The following CERS1 variants were observed in gnomAD, a reference collection of about 807,000 sequenced individuals.
The protein encoded by CERS1 is ceramide synthase 1.
Under a neutral mutation model 35.7 loss-of-function variants are expected in CERS1, and 16 were observed. The observed-to-expected ratio is 0.45, with a 90% CI of 0.30 to 0.68. CERS1 has a LOEUF of 0.68. CERS1 is among the 30% of genes least tolerant of loss of function. CERS1 has a pLI of 0.08. For synonymous variants in CERS1, 243 were observed against 201.6 expected, an observed-to-expected ratio of 1.21 and a Z score of -1.74; for missense variants, 454 against 453.9, an observed-to-expected ratio of 1.00 and a Z score of 0.00.
chr19:18,878,909 T>C lies in CERS1; in HGVS notation c.1010+21A>G, dbSNP rs111396349. ...TGACACTAAAGGAGGGAACGCGGGG[T>C]GCGGGCCCCTCCACACTCACTCGGC... On this transcript the variant is annotated intron_variant, in intron 6 of 7. Coordinates refer to ENST00000623882, the MANE Select transcript of CERS1 (RefSeq NM_021267.5). This position sits in a 1 kb window ranked among gnomAD's most constrained non-coding sequence, Gnocchi z 4.6. The C allele has an allele frequency of 2.1e-3, 3,348 of 1,611,438 alleles. 43 individuals are homozygous for C. In the African/African-American group the frequency reaches 0.035, roughly 17 times the overall value.
Position 18,878,519 on chromosome 19 carries a change from G to T in CERS1, c.1010+411C>A. The stretch of plus-strand genomic sequence containing the variant: ...AGCCTGGGTTCTCTCTGTGGCCCTT[G>T]GCGTTCCTTCCTCCCCAGCCCCACT... On this transcript the variant is annotated intron_variant, in intron 6 of 7. Transcript: ENST00000623882. The surrounding 1 kb of genome is among the most constrained non-coding windows in gnomAD (Gnocchi z 4.6). The T allele has an allele frequency of 2.0e-6, 2 of 1,017,176 alleles. No homozygotes were observed. The highest frequency in any genetic ancestry group is 2.4e-6 in the Non-Finnish European group (2 of 848,006). 63.0% of individuals were successfully genotyped at this position (1,017,176 alleles called of 1,614,324 possible).
chr19:18,887,412 T>C (rs191925935), intron 2 of CERS1, among the ~76,000 whole-genome samples: 378 of 152,166 alleles, frequency 2.5e-3, no homozygotes, highest in Non-Finnish European at 3.8e-3. Context: ...ATGATAATGT[T>C]CCAGACCTAG....
intron 2 of CERS1, among the ~76,000 whole-genome samples, chr19:18,892,873 C>T (rs2056526841): frequency 6.6e-6 from 1 of 152,112 alleles, no homozygotes; most frequent in African/African-American, 2.4e-5. Context: ...TCTGAGACAC[C>T]CATAGGAGCT....
At chr19:18,881,594 C>T (rs1195480569) in intron 3 of CERS1, 4 of 152,162 alleles carry the variant, frequency 2.6e-5, no homozygotes, top group Non-Finnish European at 2.9e-5. Context: ...ATGAGCTGCC[C>T]GAGGGTCCTG....
Position 18,886,094 on chromosome 19 carries a change from GCCA to G in CERS1, c.410-1830_410-1828del, listed in dbSNP as rs1325395279. On this transcript the variant is annotated intron_variant, in intron 2 of 7. Coordinates refer to ENST00000623882, the MANE Select transcript of CERS1 (RefSeq NM_021267.5). Reference sequence around the variant, plus strand: ...CTCCTCAGCCACATCCCCAGAGGCTGCCAGACACCAAATTCAAGGGCTATGCTC... The same window carrying G: ...CTCCTCAGCCACATCCCCAGAGGCTGGACACCAAATTCAAGGGCTATGCTC... 4.9e-3 allele frequency among the ~76,000 whole-genome samples: 744 copies of G among 151,582 alleles called. 15 individuals carry two copies. Among genetic ancestry groups the G allele is most frequent in the African/African-American group, 0.018 (723 of 40,910 alleles).
intron 2 of CERS1, among the ~76,000 whole-genome samples, chr19:18,892,645 A>G (rs1180333685): frequency 1.3e-5 from 2 of 151,910 alleles, no homozygotes; most frequent in African/African-American, 4.8e-5. Flanking sequence ...TCCAGAACAG[A>G]ACTCAAGCTG....
chr19:18,881,313 G>A (rs1167533695), intron 3 of CERS1, among the ~76,000 whole-genome samples: 6 of 151,026 alleles, frequency 4.0e-5, no homozygotes, highest in African/African-American at 9.8e-5. Context: ...TCCACCTCCC[G>A]GGTTCAAGCA....
chr19:18,872,240 A>G (rs1262415613), intron 6 of CERS1, among the ~76,000 whole-genome samples: 2 of 152,238 alleles, frequency 1.3e-5, no homozygotes, highest in African/African-American at 4.8e-5. Context: ...CAAAAGCTTC[A>G]AAGTGTTCTC....
At position 18,895,702 on chromosome 19, in the gene CERS1, G is replaced by A; in HGVS notation, c.249+122C>T. Reference sequence around the variant, plus strand: ...AGCCCGAGGCCCCCACCCACGTTCCGGCGACCCCTTCATCCGCAGCAGCCA... The same window carrying A: ...AGCCCGAGGCCCCCACCCACGTTCCAGCGACCCCTTCATCCGCAGCAGCCA... On this transcript the variant is annotated intron_variant, in intron 1 of 7. Transcript: ENST00000623882. This position sits in a 1 kb window ranked among gnomAD's most constrained non-coding sequence, Gnocchi z 6.4. The A allele has an allele frequency of 6.8e-6, 3 of 439,248 alleles. No individual in the cohort carries two copies. The highest frequency in any genetic ancestry group is 6.7e-6 in the Non-Finnish European group (2 of 299,722). 27.2% of individuals were successfully genotyped at this position (439,248 alleles called of 1,614,324 possible). A position where few individuals can be genotyped will look rare whatever the true frequency, so the allele number is the denominator to read the frequency against.
Position 18,878,746 on chromosome 19 carries a change from T to C in CERS1, c.1010+184A>G, listed in dbSNP as rs185468299. On this transcript the variant is annotated intron_variant, in intron 6 of 7. Transcript: ENST00000623882. The surrounding 1 kb of genome is among the most constrained non-coding windows in gnomAD (Gnocchi z 4.6). ...CTCTCCCTCCCCTTCCTCACTGTCCTGTCCTTCAGGGTACTGGCCACATCG... is the reference window on the plus strand; with the variant it reads ...CTCTCCCTCCCCTTCCTCACTGTCCCGTCCTTCAGGGTACTGGCCACATCG... 1.8e-5 allele frequency: 26 copies of C among 1,409,250 alleles called. No individual in the cohort carries two copies. The East Asian group carries it at 6.2e-4, about 33-fold the overall frequency. 87.3% of individuals were successfully genotyped at this position (1,409,250 alleles called of 1,614,324 possible).
At position 18,868,702 on chromosome 19, in the gene CERS1, C is replaced by G. The variant is rs762069368; in HGVS notation, c.*1283G>C. 3.9e-6 allele frequency: 6 copies of G among 1,555,104 alleles called. No homozygotes were observed. The highest frequency in any genetic ancestry group is 1.2e-5 in the South Asian group (1 of 84,708). On this transcript the variant is annotated 3_prime_UTR_variant, in exon 8 of 8. Transcript: ENST00000623882. ...CGGAGATGGGCGACAGGCGCGCGGG[C>G]ACGCAGCAGGGCAGGTCGGCGGCTC...
In CERS1 at chr19:18,884,091, A is replaced by T. The variant is rs1184304135; in HGVS notation, c.586T>A (p.Phe196Ile). The change falls in exon 3 of 8, where the codon TTC becomes ATC. Residue 196 changes from phenylalanine (F) to isoleucine (I), a missense_variant. Transcript: ENST00000623882. The part of the protein sequence containing the change: ...TLILIVSSYA[F>I]RYHNVGILVL... The stretch of plus-strand genomic sequence containing the variant: ...GCCACCCGATCCTGTCCTTACCGGA[A>T]GGCGTAGGAGGAGACGATGAGGATG... The T allele has an allele frequency of 1.9e-6, 3 of 1,611,822 alleles. No individual in the cohort carries two copies. In the African/African-American group the frequency reaches 4.0e-5, roughly 22 times the overall value.
chr19:18,890,816 A>C (rs996973413), intron 2 of CERS1, among the ~76,000 whole-genome samples: 4 of 143,974 alleles, frequency 2.8e-5, no homozygotes, highest in Non-Finnish European at 4.5e-5. Flanking sequence ...AGCTAAAGGC[A>C]AGTCCATGCC....
In CERS1 at chr19:18,895,860, G is replaced by A. The variant is rs1472782308; in HGVS notation, c.213C>T (p.Thr71=). Reference sequence around the variant, plus strand: ...GCGCAGTGGCCGCGGAGCGCAGGGCGGTCCAGCCCAGCGCGCCGAGCGCCA... The same window carrying A: ...GCGCAGTGGCCGCGGAGCGCAGGGCAGTCCAGCCCAGCGCGCCGAGCGCCA... ...LLLALGALGW[T]ALRSAATARL... The change falls in exon 1 of 8, where the codon ACC becomes ACT. Residue 71 remains threonine (T), a synonymous_variant. Coordinates refer to ENST00000623882, the MANE Select transcript of CERS1 (RefSeq NM_021267.5). The surrounding 1 kb of genome is among the most constrained non-coding windows in gnomAD (Gnocchi z 6.4). The A allele has an allele frequency of 7.8e-7, 1 of 1,285,932 alleles. No homozygotes were observed. Among genetic ancestry groups the A allele is most frequent in the Non-Finnish European group, 9.8e-7 (1 of 1,016,828 alleles). 79.7% of individuals were successfully genotyped at this position (1,285,932 alleles called of 1,614,324 possible).
chr19:18,878,735 C>T lies in CERS1; in HGVS notation c.1010+195G>A. On this transcript the variant is annotated intron_variant, in intron 6 of 7. Transcript: ENST00000623882. The surrounding 1 kb of genome is among the most constrained non-coding windows in gnomAD (Gnocchi z 4.6). ...CCCTCCCCAGCCTCTCCCTCCCCTT[C>T]CTCACTGTCCTGTCCTTCAGGGTAC... 7.2e-7 allele frequency: 1 copy of T among 1,394,610 alleles called. No individual in the cohort carries two copies. The highest frequency in any genetic ancestry group is 9.3e-7 in the Non-Finnish European group (1 of 1,073,236). The allele number at this position is 1,394,610 out of a possible 1,614,324, so 86.4% of individuals were successfully genotyped here.
chr19:18,877,315 C>T (rs947564077), intron 6 of CERS1, among the ~76,000 whole-genome samples: 27 of 152,174 alleles, frequency 1.8e-4, no homozygotes, highest in African/African-American at 6.3e-4. Context: ...GGTTCTGCAC[C>T]TCCGAGGATG....
intron 2 of CERS1, among the ~76,000 whole-genome samples, chr19:18,890,244 C>T (rs1293421709): frequency 7.2e-5 from 11 of 152,318 alleles, no homozygotes; most frequent in African/African-American, 2.2e-4. Flanking sequence ...AAAAACTGCC[C>T]CTCCCCACCT....
At position 18,896,015 on chromosome 19, in the gene CERS1, C is replaced by T. The variant is rs2056618459; in HGVS notation, c.58G>A (p.Ala20Thr). The part of the protein sequence containing the change: ...PTGPEPMPSY[A>T]QLVQRGWGSA... ...CCCCAGCCGCGCTGCACTAGCTGCG[C>T]GTAGCTCGGCATGGGCTCGGGCCCC... Residue 20 changes from alanine (A) to threonine (T), a missense_variant, in exon 1 of 8, where the codon GCG becomes ACG. Coordinates refer to ENST00000623882, the MANE Select transcript of CERS1 (RefSeq NM_021267.5). This position sits in a 1 kb window ranked among gnomAD's most constrained non-coding sequence, Gnocchi z 5.9. The T allele has an allele frequency of 7.9e-6, 8 of 1,009,152 alleles. No individual in the cohort carries two copies. Among genetic ancestry groups the T allele is most frequent in the Non-Finnish European group, 9.5e-6 (8 of 846,458 alleles). 62.5% of individuals were successfully genotyped at this position (1,009,152 alleles called of 1,614,324 possible). A position where few individuals can be genotyped will look rare whatever the true frequency, so the allele number is the denominator to read the frequency against.
In CERS1 at chr19:18,869,160, A is replaced by C. The variant is rs1344026515; in HGVS notation, c.*825T>G. On this transcript the variant is annotated 3_prime_UTR_variant, in exon 8 of 8. Coordinates refer to ENST00000623882, the MANE Select transcript of CERS1 (RefSeq NM_021267.5). ...ACTGGCGGCCCCAGGGCGGGCACCA[A>C]CTGGCGGAGCAGCACCGGCCCGGGG... The C allele has an allele frequency of 8.8e-7, 1 of 1,136,226 alleles. No homozygotes were observed. Among genetic ancestry groups the C allele is most frequent in the Admixed American group, 5.0e-5 (1 of 19,950 alleles). 70.4% of individuals were successfully genotyped at this position (1,136,226 alleles called of 1,614,324 possible).
Sources: gnomAD v4.1 joint callset for allele counts (sites outside exome capture counted in the v4.1 genomes callset) on GRCh38, gnomAD v4.1.1 for gene constraint, Gnocchi (gnomAD v3.1) non-coding constraint, MANE v1.5 for transcripts, NCBI Gene and HGNC (gene_info 2026-07-23, HGNC 2026-07-21) for gene names.